The following TBC1D22A variants were observed in gnomAD, a reference collection of about 807,000 sequenced individuals.
TBC1D22A encodes TBC1 domain family member 22A.
Under a neutral mutation model 60.2 loss-of-function variants are expected in TBC1D22A, and 38 were observed. The observed-to-expected ratio is 0.63, with a 90% confidence interval of 0.49 to 0.83. TBC1D22A has a LOEUF of 0.83. Among genes scored for constraint, TBC1D22A ranks in the 40% least tolerant of loss-of-function variants. The probability of loss-of-function intolerance (pLI) is 0.00; values close to 1 mark genes in which losing one functional copy is unlikely to be tolerated. For missense variants in TBC1D22A, 628 were observed against 701.0 expected, an observed-to-expected ratio of 0.90 and a Z score of 1.18; for synonymous variants, 302 against 281.7, an observed-to-expected ratio of 1.07 and a Z score of -0.72.
intron 4 of TBC1D22A, among the ~76,000 whole-genome samples, chr22:46,834,119 G>A (rs1228386439): frequency 6.6e-6 from 1 of 152,086 alleles, no homozygotes; most frequent in African/African-American, 2.4e-5. Flanking sequence ...AAAGGAGCAG[G>A]TGCAAAGCTC....
At chr22:47,161,651 G>A (rs2067988355) in intron 12 of TBC1D22A, among the ~76,000 whole-genome samples, 1 of 152,230 alleles carries the variant, frequency 6.6e-6, no homozygotes, top group African/African-American at 2.4e-5. Flanking sequence ...CCTGGAGCAA[G>A]GGGCTGAGTG....
At chr22:47,151,730 C>T (rs73889426) in intron 12 of TBC1D22A, among the ~76,000 whole-genome samples, 1 of 152,222 alleles carries the variant, frequency 6.6e-6, no homozygotes, top group Non-Finnish European at 1.5e-5. Flanking sequence ...ACCTTACTCT[C>T]CTGGAAGCCC....
intron 12 of TBC1D22A, among the ~76,000 whole-genome samples, chr22:47,139,320 G>A (rs1001703887): frequency 1.3e-5 from 2 of 152,200 alleles, no homozygotes; most frequent in African/African-American, 4.8e-5. Flanking sequence ...AGAGGACACC[G>A]CTGACACAAG....
At chr22:46,969,703 C>T (rs1246290685) in intron 8 of TBC1D22A, among the ~76,000 whole-genome samples, 1 of 152,170 alleles carries the variant, frequency 6.6e-6, no homozygotes, top group African/African-American at 2.4e-5. Context: ...CTCGCCATCC[C>T]ACCACCTTGC....
At chr22:46,866,207 C>T (rs556848579) in intron 4 of TBC1D22A, among the ~76,000 whole-genome samples, 173 of 152,306 alleles carry the variant, frequency 1.1e-3, no homozygotes, top group African/African-American at 3.8e-3. Flanking sequence ...TGGGTTCAAG[C>T]GATTCTCCTG....
At chr22:47,099,914 C>T (rs546493113) in intron 11 of TBC1D22A, among the ~76,000 whole-genome samples, 2 of 152,314 alleles carry the variant, frequency 1.3e-5, no homozygotes, top group East Asian at 3.9e-4. Flanking sequence ...CAGAGCCCTT[C>T]CAGCCCTGGT....
At chr22:47,148,993 A>G (rs1226281248) in intron 12 of TBC1D22A, among the ~76,000 whole-genome samples, 1 of 152,128 alleles carries the variant, frequency 6.6e-6, no homozygotes, top group Non-Finnish European at 1.5e-5. Flanking sequence ...ACGGCTTCCC[A>G]TGTGTCCCTT....
chr22:46,982,335 T>G (rs2074546603), intron 9 of TBC1D22A, among the ~76,000 whole-genome samples: 1 of 151,518 alleles, frequency 6.6e-6, no homozygotes, highest in Non-Finnish European at 1.5e-5. Context: ...GCAATTCTCC[T>G]GCCTCAGCTT....
At chr22:46,774,118 G>A (rs897065659) in intron 1 of TBC1D22A, 2 of 985,548 alleles carry the variant, frequency 2.0e-6, no homozygotes, top group Non-Finnish European at 2.4e-6. Flanking sequence ...TCAGGCTGCT[G>A]CCTGCTGGGC....
At chr22:46,904,101 ATCTATCTATCT>A (rs2069217635) in intron 7 of TBC1D22A, among the ~76,000 whole-genome samples, 2 of 33,072 alleles carry the variant, frequency 6.0e-5, no homozygotes, top group South Asian at 9.2e-4. Flanking sequence ...AATAAAATCT[ATCTATCTATCT>A]ATCTATCTAT....
intron 8 of TBC1D22A, among the ~76,000 whole-genome samples, chr22:46,936,230 G>A (rs940299219): frequency 2.0e-5 from 3 of 152,228 alleles, no homozygotes; most frequent in Non-Finnish European, 4.4e-5. Context: ...CTGTGATTGG[G>A]TGAGGCCTGG....
intron 4 of TBC1D22A, among the ~76,000 whole-genome samples, chr22:46,861,821 T>G (rs2087906225): frequency 6.6e-6 from 1 of 152,194 alleles, no homozygotes; most frequent in African/African-American, 2.4e-5. Flanking sequence ...ACTCTGCTTC[T>G]CTCTGGCTAT....
intron 4 of TBC1D22A, among the ~76,000 whole-genome samples, chr22:46,863,156 A>C (rs2066896747): frequency 6.6e-6 from 1 of 152,158 alleles, no homozygotes; most frequent in African/African-American, 2.4e-5. Context: ...GAGTGAAGGC[A>C]ACATGCGCCC....
intron 1 of TBC1D22A, among the ~76,000 whole-genome samples, chr22:46,765,464 T>A (rs2083248882): frequency 6.6e-6 from 1 of 152,020 alleles, no homozygotes; most frequent in African/African-American, 2.4e-5. Flanking sequence ...TTTGTTTTTG[T>A]TTTTGTTTTT....
At chr22:47,006,415 T>C (rs902472146) in intron 10 of TBC1D22A, among the ~76,000 whole-genome samples, 1 of 152,234 alleles carries the variant, frequency 6.6e-6, no homozygotes, top group Non-Finnish European at 1.5e-5. Context: ...TTAGGACTTC[T>C]TGACTGATCT....
chr22:46,953,688 CTT>C (rs2073037370), intron 8 of TBC1D22A, among the ~76,000 whole-genome samples: 1 of 152,144 alleles, frequency 6.6e-6, no homozygotes. Context: ...ATTCTATTGT[CTT>C]TTTGTCCTGC....
intron 12 of TBC1D22A, chr22:47,116,440 A>G (rs1429145981): frequency 6.6e-6 from 1 of 152,294 alleles, no homozygotes; most frequent in Non-Finnish European, 1.5e-5. Context: ...CTGATCAGTG[A>G]GTGCGCCACT....
At chr22:46,932,031 C>G (rs1371601794) in intron 8 of TBC1D22A, among the ~76,000 whole-genome samples, 1 of 152,156 alleles carries the variant, frequency 6.6e-6, no homozygotes, top group African/African-American at 2.4e-5. Flanking sequence ...CGAGGAATGC[C>G]TTATTCTGAT....
chr22:46,954,484 G>A (rs1242082002), intron 8 of TBC1D22A, among the ~76,000 whole-genome samples: 4 of 152,170 alleles, frequency 2.6e-5, no homozygotes, highest in East Asian at 1.9e-4. Flanking sequence ...GCACACACTC[G>A]AGCATCTTGC....
Sources: allele counts gnomAD v4.1 joint callset (sites outside exome capture counted in the v4.1 genomes callset), GRCh38; gene constraint gnomAD v4.1.1; transcripts MANE v1.5; gene names NCBI Gene and HGNC (gene_info 2026-07-23, HGNC 2026-07-21).